Variants in OTOGL observed in about 807,000 individuals in gnomAD.
OTOGL encodes otogelin-like protein.
In OTOGL, 285 loss-of-function variants were observed where a neutral mutation model predicts 318.5. That is an observed-to-expected ratio of 0.89 (90% confidence interval 0.81 to 0.99). The LOEUF is 0.99. OTOGL is among the 50% of genes least tolerant of loss of function. The pLI is 0.00. For missense variants in OTOGL, 2,899 were observed against 2,845.6 expected (o/e 1.02, Z -0.43); for synonymous variants, 987 against 936.5 (o/e 1.05, Z -0.99).
At chr12:80,363,427 C>A (rs1890347842) in intron 52 of OTOGL, among the ~76,000 whole-genome samples, 1 of 152,078 alleles carries the variant, frequency 6.6e-6, no homozygotes, top group Non-Finnish European at 1.5e-5. Context: ...CTGGTATAGC[C>A]ATTTACGAAT....
At chr12:80,125,819 T>G (rs969678699) in intron 1 of OTOGL, among the ~76,000 whole-genome samples, 2 of 152,236 alleles carry the variant, frequency 1.3e-5, no homozygotes, top group African/African-American at 4.8e-5. Flanking sequence ...TTCTAGTTTA[T>G]TTGTGTAAAG....
intron 57 of OTOGL, among the ~76,000 whole-genome samples, chr12:80,374,151 C>T (rs934637460): frequency 1.2e-4 from 18 of 152,224 alleles, no homozygotes; most frequent in East Asian, 7.7e-4. Context: ...AGGGCTCATT[C>T]CTTGGAGGTA....
chr12:80,271,594 C>A, intron 23 of OTOGL, 54 bp from the exon 24 acceptor site: 8 of 1,531,684 alleles, frequency 5.2e-6, no homozygotes, highest in Non-Finnish European at 7.1e-6. Flanking sequence ...GTGTTCATAT[C>A]TCCCATGCCA....
At chr12:80,265,592 G>T in intron 20 of OTOGL, 1 of 205,176 alleles carries the variant, frequency 4.9e-6, no homozygotes, top group Non-Finnish European at 1.0e-5. Context: ...TTATGCAACA[G>T]GCAATTATTA....
At chr12:80,271,853 G>A in intron 24 of OTOGL, 43 bp downstream of exon 24, 1 of 1,558,892 alleles carries the variant, frequency 6.4e-7, no homozygotes, top group Non-Finnish European at 8.8e-7. Context: ...GGATTTGCCT[G>A]AAAGCACAAT....
At chr12:80,341,587 G>T (rs1888770398) in intron 43 of OTOGL, among the ~76,000 whole-genome samples, 1 of 152,158 alleles carries the variant, frequency 6.6e-6, no homozygotes, top group Non-Finnish European at 1.5e-5. Context: ...GTCCATTACT[G>T]TGGAAAGTAC....
chr12:80,352,482 A>C, intron 45 of OTOGL, 46 bp downstream of exon 45: 3 of 1,436,378 alleles, frequency 2.1e-6, no homozygotes, highest in Non-Finnish European at 2.8e-6. Flanking sequence ...AATAAATTTC[A>C]CTTTTGCAAT....
intron 57 of OTOGL, among the ~76,000 whole-genome samples, chr12:80,372,909 A>G (rs1890970594): frequency 6.6e-6 from 1 of 151,768 alleles, no homozygotes; most frequent in African/African-American, 2.4e-5. Flanking sequence ...TTGGCCTCAA[A>G]CTCCTGGCCT....
chr12:80,299,517 A>G (rs1885617065), intron 27 of OTOGL, among the ~76,000 whole-genome samples: 1 of 151,852 alleles, frequency 6.6e-6, no homozygotes, highest in African/African-American at 2.4e-5. Flanking sequence ...GTTTGACCCT[A>G]AAGAAATCCC....
chr12:80,160,490 A>C (rs182140047), intron 1 of OTOGL, among the ~76,000 whole-genome samples: 96 of 152,318 alleles, frequency 6.3e-4, no homozygotes, highest in Non-Finnish European at 1.2e-3. Flanking sequence ...AATGCTCAAC[A>C]TCACTAATTA....
chr12:80,108,928 A>G lies in OTOGL; in HGVS notation c.-20+9323A>G, dbSNP rs796991662. Among the ~76,000 whole-genome samples the G allele has an allele frequency of 3.2e-3, 282 of 88,156 alleles. 4 individuals carry two copies. The highest frequency in any genetic ancestry group is 0.012 in the African/African-American group (231 of 19,936). 57.8% of individuals were successfully genotyped at this position (88,156 alleles called of 152,430 possible). A position where few individuals can be genotyped will look rare whatever the true frequency, so the allele number is the denominator to read the frequency against. On this transcript the variant is annotated intron_variant, in intron 1 of 58. Transcript: ENST00000547103. ...TGTGTATATATATGTGTATATATAT[A>G]TGTGTGTGTATATATATATATATAT...
At chr12:80,362,023 C>T (rs1890265398) in intron 52 of OTOGL, among the ~76,000 whole-genome samples, 1 of 152,104 alleles carries the variant, frequency 6.6e-6, no homozygotes, top group African/African-American at 2.4e-5. Flanking sequence ...GTTGTCTCTA[C>T]ATTTGGGTTC....
chr12:80,323,988 A>C (rs1887521903), intron 35 of OTOGL, 148 bp downstream of exon 35: 1 of 669,904 alleles, frequency 1.5e-6, no homozygotes, highest in African/African-American at 1.8e-5. Flanking sequence ...TAAATCAAGA[A>C]GTAGTTATTG....
At chr12:80,102,998 G>A in intron 1 of OTOGL, 1 of 926,368 alleles carries the variant, frequency 1.1e-6, no homozygotes, top group South Asian at 1.3e-5. Flanking sequence ...TGCTGTCTTT[G>A]TCCAGTTTTA....
intron 9 of OTOGL, 139 bp downstream of exon 9, chr12:80,233,236 A>G: frequency 2.7e-6 from 2 of 732,584 alleles, no homozygotes; most frequent in Non-Finnish European, 4.3e-6. Flanking sequence ...GATTTTAAGT[A>G]AAGGTTGAAT....
chr12:80,356,035 G>C, intron 47 of OTOGL, 87 bp downstream of exon 47: 12 of 1,394,246 alleles, frequency 8.6e-6, no homozygotes, highest in Non-Finnish European at 9.9e-6. Flanking sequence ...ATAATGCTTT[G>C]TATTTTTAAA....
intron 26 of OTOGL, among the ~76,000 whole-genome samples, chr12:80,288,676 T>G (rs1463070551): frequency 2.6e-5 from 4 of 151,902 alleles, no homozygotes; most frequent in Non-Finnish European, 5.9e-5. Flanking sequence ...TTCTTCTGCT[T>G]GATTCATTTG....
chr12:80,256,496 T>TCAAAACAAA, intron 17 of OTOGL, 36 bp downstream of exon 17: 1 of 1,391,490 alleles, frequency 7.2e-7, no homozygotes, highest in South Asian at 1.5e-5. Context: ...TTTCTTTACA[T>TCAAAACAAA]CAAACAAACA....
intron 11 of OTOGL, among the ~76,000 whole-genome samples, chr12:80,244,530 A>G (rs1254027592): frequency 6.7e-6 from 1 of 148,940 alleles, no homozygotes; most frequent in Non-Finnish European, 1.5e-5. Flanking sequence ...ATAGTATTCC[A>G]TGGTGTATAT....
Sources: allele counts gnomAD v4.1 joint callset (sites outside exome capture counted in the v4.1 genomes callset), GRCh38; gene constraint gnomAD v4.1.1; transcripts MANE v1.5; gene names NCBI Gene and HGNC (gene_info 2026-07-23, HGNC 2026-07-21).